RASGEF1C: variants seen among roughly 807,000 people sequenced by gnomAD.
RASGEF1C encodes RasGEF domain family member 1C, also known as ras-GEF domain-containing family member 1C.
Under a neutral mutation model 58.1 loss-of-function variants are expected in RASGEF1C, and 27 were observed. That is an observed-to-expected ratio of 0.46 (90% CI 0.34 to 0.64). The LOEUF is 0.64. RASGEF1C is among the 30% of genes least tolerant of loss of function. The pLI, the probability that RASGEF1C is intolerant of heterozygous loss-of-function variation, is 0.01. For missense variants in RASGEF1C, 502 were observed against 605.1 expected, an observed-to-expected ratio of 0.83 and a Z score of 1.79; for synonymous variants, 243 against 246.3, an observed-to-expected ratio of 0.99 and a Z score of 0.13.
intron 12 of RASGEF1C, among the ~76,000 whole-genome samples, chr5:180,110,336 A>G (rs1453345883): frequency 6.6e-6 from 1 of 152,188 alleles, no homozygotes; most frequent in Non-Finnish European, 1.5e-5. Flanking sequence ...AATATAAACA[A>G]TAAAATGGCA....
At chr5:180,162,261 C>G (rs751704095) in intron 1 of RASGEF1C, among the ~76,000 whole-genome samples, 1 of 152,236 alleles carries the variant, frequency 6.6e-6, no homozygotes, top group African/African-American at 2.4e-5. Flanking sequence ...TTTGCAATCC[C>G]CATCTTCCTG....
intron 1 of RASGEF1C, among the ~76,000 whole-genome samples, chr5:180,181,031 G>A (rs1451553929): frequency 6.6e-6 from 1 of 152,196 alleles, no homozygotes; most frequent in Admixed American, 6.5e-5. Flanking sequence ...CTCGAAATGC[G>A]TCACGCCCAG....
intron 12 of RASGEF1C, among the ~76,000 whole-genome samples, chr5:180,109,151 T>C (rs1765914359): frequency 6.6e-6 from 1 of 152,076 alleles, no homozygotes; most frequent in Non-Finnish European, 1.5e-5. Context: ...ATGACAACAA[T>C]CATCATAATA....
chr5:180,183,768 G>A (rs1291036637), intron 1 of RASGEF1C, among the ~76,000 whole-genome samples: 1 of 152,048 alleles, frequency 6.6e-6, no homozygotes, highest in Non-Finnish European at 1.5e-5. Context: ...GTTGCAGTGA[G>A]CCAAGATGGC....
At chr5:180,112,436 G>C (rs1490806119) in intron 11 of RASGEF1C, among the ~76,000 whole-genome samples, 1 of 152,230 alleles carries the variant, frequency 6.6e-6, no homozygotes, top group Non-Finnish European at 1.5e-5. Flanking sequence ...CGGAGGCCAT[G>C]CTGCACCTCT....
At chr5:180,118,485 A>G (rs1766107739) in intron 10 of RASGEF1C, 124 bp downstream of exon 10, 2 of 896,778 alleles carry the variant, frequency 2.2e-6, no homozygotes, top group African/African-American at 1.7e-5. Flanking sequence ...GGAGGCACGC[A>G]AGCAAGGAGA....
At chr5:180,121,233 T>G in intron 6 of RASGEF1C, 84 bp from the exon 7 acceptor site, 1 of 930,478 alleles carries the variant, frequency 1.1e-6, no homozygotes, top group Non-Finnish European at 1.8e-6. Flanking sequence ...TCATGATCCT[T>G]ACGATCTGGG....
intron 1 of RASGEF1C, among the ~76,000 whole-genome samples, 167 bp downstream of exon 1, chr5:180,208,861 G>C (rs1348101796): frequency 6.6e-6 from 1 of 150,464 alleles, no homozygotes; most frequent in Admixed American, 6.6e-5. Flanking sequence ...TCCAGTCCCG[G>C]CGGCCGCGCG....
chr5:180,204,370 C>T (rs1339419114), intron 1 of RASGEF1C, among the ~76,000 whole-genome samples: 1 of 152,182 alleles, frequency 6.6e-6, no homozygotes, highest in Non-Finnish European at 1.5e-5. Context: ...CTATTTTCTA[C>T]ATCATGTCCA....
rs901075784 is a variant in RASGEF1C at position 180,104,384 on chromosome 5, G to T, written c.1304-2241C>A. On this transcript the variant is annotated intron_variant, in intron 12 of 13. Coordinates refer to ENST00000361132, the MANE Select transcript of RASGEF1C (RefSeq NM_175062.4). The stretch of plus-strand genomic sequence containing the variant: ...TCTGCCAAATGAGGACACAGCATTT[G>T]CCCCTTCTGCCATGCGAGGACACAG... Among the ~76,000 whole-genome samples the T allele has an allele frequency of 6.6e-5, 10 of 152,106 alleles. No individual in the cohort carries two copies. The South Asian group carries it at 8.3e-4, about 13-fold the overall frequency.
rs893312671 is a variant in RASGEF1C at position 180,158,217 on chromosome 5, A to C, written c.-6-20159T>G. 6.6e-6 allele frequency among the ~76,000 whole-genome samples: 1 copy of C among 152,184 alleles called. No individual in the cohort carries two copies. Among genetic ancestry groups the C allele is most frequent in the Non-Finnish European group, 1.5e-5 (1 of 68,042 alleles). On this transcript the variant is annotated intron_variant, in intron 1 of 13. Coordinates refer to ENST00000361132, the MANE Select transcript of RASGEF1C (RefSeq NM_175062.4). The surrounding 1 kb of genome is among the most constrained non-coding windows in gnomAD (Gnocchi z 4.0). ...AGCTCACGCTGCTGCAGTGGGGCTC[A>C]GTTGCCCTCTGGATGTGGTACGAAG...
intron 1 of RASGEF1C, among the ~76,000 whole-genome samples, chr5:180,199,273 G>A (rs1221340575): frequency 6.6e-6 from 1 of 152,170 alleles, no homozygotes; most frequent in Non-Finnish European, 1.5e-5. Context: ...GAAAATGGAC[G>A]CAAGCTTTCT....
chr5:180,112,258 T>C (rs1765970983), intron 11 of RASGEF1C, among the ~76,000 whole-genome samples: 1 of 152,188 alleles, frequency 6.6e-6, no homozygotes, highest in Non-Finnish European at 1.5e-5. Context: ...CCACATCACC[T>C]CCAGCCTGGG....
chr5:180,159,430 G>A (rs918795303), intron 1 of RASGEF1C, among the ~76,000 whole-genome samples: 5 of 152,156 alleles, frequency 3.3e-5, no homozygotes, highest in African/African-American at 4.8e-5. Flanking sequence ...ATGAGCCACC[G>A]TGCCCGGCCT....
intron 1 of RASGEF1C, among the ~76,000 whole-genome samples, chr5:180,140,582 G>A (rs1235182075): frequency 2.0e-5 from 3 of 152,160 alleles, no homozygotes; most frequent in Admixed American, 1.3e-4. Context: ...TGCTACCAGC[G>A]GGCTCCCCCA....
chr5:180,111,390 T>G lies in RASGEF1C; in HGVS notation c.1303+67A>C, dbSNP rs1026837267. 2.5e-6 allele frequency: 4 copies of G among 1,608,696 alleles called. No homozygotes were observed. In the African/African-American group the frequency reaches 5.3e-5, roughly 22 times the overall value. ...ACCTACTCAGAGCAGGGGTCCTGAA[T>G]GGTGACTGAGAGGCTACCCCAGAGT... On this transcript the variant is annotated intron_variant, in intron 12 of 13. Transcript: ENST00000361132.
rs139012625 is a variant in RASGEF1C at position 180,184,300 on chromosome 5, T to C, written c.-7+24728A>G. On this transcript the variant is annotated intron_variant, in intron 1 of 13. Coordinates refer to ENST00000361132, the MANE Select transcript of RASGEF1C (RefSeq NM_175062.4). ...TTAAAAGGCAGAGATTTGGGCTGGA[T>C]GCAGTGGCTCATGCCTGTAATCCCA... 2.7e-3 allele frequency among the ~76,000 whole-genome samples: 409 copies of C among 152,292 alleles called. 5 individuals are homozygous for C. Among genetic ancestry groups the C allele is most frequent in the Non-Finnish European group, 4.9e-4 (33 of 68,030 alleles).
At chr5:180,132,480 G>A (rs1766387521) in intron 4 of RASGEF1C, among the ~76,000 whole-genome samples, 1 of 152,226 alleles carries the variant, frequency 6.6e-6, no homozygotes, top group Non-Finnish European at 1.5e-5. Context: ...TCCTGAGCCA[G>A]CCTAGGGCTG....
In RASGEF1C at chr5:180,111,495, G is replaced by A. The variant is rs779832856; in HGVS notation, c.1265C>T (p.Thr422Ile). ...ECPFEQDASI[T>I]HYLYTAPIFS... ...GATGGGGGCGGTGTACAGGTAGTGG[G>A]TGATGCTGGCGTCTTGCTCGAAGGG... Residue 422 changes from threonine to isoleucine, a missense_variant, in exon 12 of 14, where the codon ACC (threonine) becomes ATC (isoleucine). Physicochemically the swap from Thr to Ile is moderately conservative, Grantham distance 89. Coordinates refer to ENST00000361132, the MANE Select transcript of RASGEF1C (RefSeq NM_175062.4). 21 of 1,614,214 alleles carry A rather than the reference G, an allele frequency of 1.3e-5. No individual in the cohort carries two copies. The highest frequency in any genetic ancestry group is 1.8e-5 in the Non-Finnish European group (21 of 1,180,018).
Sources: gnomAD v4.1 joint callset for allele counts (sites outside exome capture counted in the v4.1 genomes callset) on GRCh38, gnomAD v4.1.1 for gene constraint, Gnocchi (gnomAD v3.1) non-coding constraint, MANE v1.5 for transcripts, NCBI Gene and HGNC (gene_info 2026-07-23, HGNC 2026-07-21) for gene names.